Variants in TACR3 observed in about 807,000 individuals in gnomAD.
TACR3 encodes the protein neuromedin-K receptor.
A neutral mutation model predicts 35.0 loss-of-function variants in TACR3; 34 were observed. The observed-to-expected ratio is 0.97, with a 90% CI of 0.74 to 1.30. The LOEUF (loss-of-function observed/expected upper bound fraction) is 1.30, where lower values mean the gene tolerates loss of function less well. TACR3 is among the 50% of genes most tolerant of loss of function. The pLI is 0.00. For missense variants in TACR3, 558 were observed against 591.7 expected (o/e 0.94, Z 0.59); for synonymous variants, 233 against 221.1 (o/e 1.05, Z -0.48).
At chr4:103,619,519 T>C (rs1343370435) in intron 3 of TACR3, among the ~76,000 whole-genome samples, 1 of 152,146 alleles carries the variant, frequency 6.6e-6, no homozygotes, top group Non-Finnish European at 1.5e-5. Context: ...TTTCCTTCTT[T>C]TGCCTGACTG....
At chr4:103,598,788 G>T (rs1287447444) in intron 3 of TACR3, among the ~76,000 whole-genome samples, 1 of 152,078 alleles carries the variant, frequency 6.6e-6, no homozygotes, top group Non-Finnish European at 1.5e-5. Context: ...ATTTCTGAGG[G>T]CTCTGTTCTG....
At chr4:103,660,290 C>T (rs890201164) in intron 1 of TACR3, among the ~76,000 whole-genome samples, 10 of 151,908 alleles carry the variant, frequency 6.6e-5, no homozygotes, top group Non-Finnish European at 1.5e-4. Flanking sequence ...TCATATTTGT[C>T]CTTTTGTGAC....
chr4:103,702,802 C>CA (rs1382128101), intron 1 of TACR3, among the ~76,000 whole-genome samples: 4 of 148,236 alleles, frequency 2.7e-5, no homozygotes, highest in African/African-American at 1.0e-4. Context: ...ATCACAAGGA[C>CA]AAAAAACCAA....
At chr4:103,601,053 T>C (rs958800546) in intron 3 of TACR3, among the ~76,000 whole-genome samples, 3 of 152,162 alleles carry the variant, frequency 2.0e-5, no homozygotes, top group Non-Finnish European at 4.4e-5. Context: ...ATGTTGACAG[T>C]GGGATGTTAA....
intron 3 of TACR3, among the ~76,000 whole-genome samples, chr4:103,607,834 TG>T (rs1724417269): frequency 6.6e-6 from 1 of 152,108 alleles, no homozygotes; most frequent in Non-Finnish European, 1.5e-5. Flanking sequence ...AAGCAGTGTT[TG>T]GCAAGAAAAC....
At chr4:103,698,358 A>T (rs1722572201) in intron 1 of TACR3, among the ~76,000 whole-genome samples, 2 of 152,228 alleles carry the variant, frequency 1.3e-5, no homozygotes, top group South Asian at 4.1e-4. Flanking sequence ...AGTGCCTAGC[A>T]TCTTTTGTTT....
At chr4:103,599,871 G>T (rs1330239616) in intron 3 of TACR3, among the ~76,000 whole-genome samples, 2 of 152,026 alleles carry the variant, frequency 1.3e-5, no homozygotes, top group Non-Finnish European at 2.9e-5. Context: ...ATTTTATTGA[G>T]GATTTTTGCA....
intron 1 of TACR3, among the ~76,000 whole-genome samples, chr4:103,711,178 A>G (rs1347824354): frequency 6.6e-6 from 1 of 152,190 alleles, no homozygotes; most frequent in African/African-American, 2.4e-5. Flanking sequence ...ACCCTGGCAG[A>G]GACACAACAA....
chr4:103,697,418 A>G (rs1560535656), intron 1 of TACR3, among the ~76,000 whole-genome samples: 2 of 149,874 alleles, frequency 1.3e-5, no homozygotes, highest in African/African-American at 4.9e-5. Flanking sequence ...TTATTTATTT[A>G]TTTATTTATT....
At chr4:103,625,463 A>C (rs977088149) in intron 3 of TACR3, among the ~76,000 whole-genome samples, 2 of 152,326 alleles carry the variant, frequency 1.3e-5, no homozygotes, top group African/African-American at 4.8e-5. Context: ...TGGAAAAAAA[A>C]CTGCCAAGTA....
At chr4:103,632,059 A>C (rs576530315) in intron 3 of TACR3, among the ~76,000 whole-genome samples, 2 of 152,298 alleles carry the variant, frequency 1.3e-5, no homozygotes, top group East Asian at 1.9e-4. Context: ...ACTAAAGTGA[A>C]TACTCCAAAT....
At chr4:103,594,954 G>C (rs772317714) in intron 3 of TACR3, among the ~76,000 whole-genome samples, 9 of 152,052 alleles carry the variant, frequency 5.9e-5, no homozygotes, top group Non-Finnish European at 1.0e-4. Context: ...AAATCTTGTA[G>C]TGTTATTTCA....
intron 1 of TACR3, among the ~76,000 whole-genome samples, chr4:103,688,554 A>G (rs1722312733): frequency 6.6e-6 from 1 of 150,716 alleles, no homozygotes; most frequent in Non-Finnish European, 1.5e-5. Context: ...ATTTACAAGA[A>G]AAAAACAAAC....
chr4:103,609,029 C>T (rs898844013), intron 3 of TACR3, among the ~76,000 whole-genome samples: 3 of 151,950 alleles, frequency 2.0e-5, no homozygotes, highest in African/African-American at 7.2e-5. Flanking sequence ...TGTATTCTTC[C>T]CTAAATCATA....
intron 3 of TACR3, among the ~76,000 whole-genome samples, chr4:103,648,868 G>A (rs1005902400): frequency 6.6e-6 from 1 of 152,044 alleles, no homozygotes; most frequent in East Asian, 1.9e-4. Context: ...CTTCCAAACT[G>A]TTCTCCATAG....
intron 1 of TACR3, among the ~76,000 whole-genome samples, chr4:103,706,270 C>T (rs1004948164): frequency 1.3e-5 from 2 of 152,056 alleles, no homozygotes; most frequent in Admixed American, 6.6e-5. Flanking sequence ...TATACATGAC[C>T]ACACATCAAA....
At chr4:103,707,598 T>G (rs1460289359) in intron 1 of TACR3, among the ~76,000 whole-genome samples, 1 of 152,164 alleles carries the variant, frequency 6.6e-6, no homozygotes, top group Non-Finnish European at 1.5e-5. Context: ...GGGTGATTTC[T>G]GCATTTCCAA....
chr4:103,661,448 T>C (rs1318269980), intron 1 of TACR3, among the ~76,000 whole-genome samples: 2 of 152,134 alleles, frequency 1.3e-5, no homozygotes, highest in Non-Finnish European at 2.9e-5. Flanking sequence ...CCCTCAAATC[T>C]CATTATAATC....
chr4:103,588,673 C>A lies in TACR3; in HGVS notation c.*1009G>T, dbSNP rs559117303. The A allele has an allele frequency of 6.6e-6, 1 of 152,218 alleles. No individual in the cohort carries two copies. Among genetic ancestry groups the A allele is most frequent in the South Asian group, 2.1e-4 (1 of 4,828 alleles). The allele number at this position is 152,218 out of a possible 1,614,324, so 9.4% of individuals were successfully genotyped here. A position where few individuals can be genotyped will look rare whatever the true frequency, so the allele number is the denominator to read the frequency against. ...AGGTAATTCACTTGTCTACACCTTG[C>A]CTAGTTTACTCATATGTAACATATA... On this transcript the variant is annotated 3_prime_UTR_variant, in exon 5 of 5. Transcript: ENST00000304883.
Sources: allele counts gnomAD v4.1 joint callset (sites outside exome capture counted in the v4.1 genomes callset), GRCh38; gene constraint gnomAD v4.1.1; transcripts MANE v1.5; gene names NCBI Gene and HGNC (gene_info 2026-07-23, HGNC 2026-07-21).